Variants in ESRRG observed in about 807,000 individuals in gnomAD.
ESRRG encodes the protein estrogen-related receptor gamma.
In ESRRG, 13 loss-of-function variants were observed where a neutral mutation model predicts 44.0. The observed-to-expected ratio is 0.30, with a 90% CI of 0.19 to 0.47. ESRRG has a LOEUF of 0.47. Among genes scored for constraint, ESRRG ranks in the 20% least tolerant of loss-of-function variants. ESRRG has a pLI of 1.00. For missense variants in ESRRG, 395 were observed against 580.6 expected (o/e 0.68, Z 3.29); for synonymous variants, 215 against 214.6 (o/e 1.00, Z -0.02).
chr1:216,788,665 C>T (rs923712600), intron 2 of ESRRG, among the ~76,000 whole-genome samples: 2 of 152,070 alleles, frequency 1.3e-5, no homozygotes, highest in Admixed American at 1.3e-4. Context: ...TTAAGAAATA[C>T]ATTTTGTAGG....
chr1:216,797,081 G>A (rs1212402651), intron 2 of ESRRG, among the ~76,000 whole-genome samples: 2 of 151,774 alleles, frequency 1.3e-5, no homozygotes, highest in Non-Finnish European at 2.9e-5. Context: ...TAGTAGAGAC[G>A]GGGTTTCACC....
intron 1 of ESRRG, among the ~76,000 whole-genome samples, chr1:216,966,484 A>G (rs2070405870): frequency 6.6e-6 from 1 of 152,176 alleles, no homozygotes; most frequent in African/African-American, 2.4e-5. Context: ...AGAAACCAGA[A>G]GAACAAGACC....
intron 1 of ESRRG, among the ~76,000 whole-genome samples, chr1:217,007,682 T>C (rs1475601938): frequency 2.6e-5 from 4 of 152,170 alleles, no homozygotes; most frequent in African/African-American, 9.6e-5. Context: ...TCTAAACCTA[T>C]CAAAGAAGAT....
intron 1 of ESRRG, among the ~76,000 whole-genome samples, chr1:217,065,522 G>A (rs1558170694): frequency 1.3e-5 from 2 of 152,194 alleles, no homozygotes; most frequent in Admixed American, 1.3e-4. Context: ...TCTAAAAGGA[G>A]AGCCTCATCT....
intron 1 of ESRRG, among the ~76,000 whole-genome samples, chr1:216,954,874 C>T (rs868848991): frequency 1.3e-5 from 2 of 152,062 alleles, no homozygotes; most frequent in East Asian, 3.9e-4. Context: ...TTTGCATTGG[C>T]AACAGCATAT....
chr1:216,739,955 A>G (rs1295279780), intron 2 of ESRRG, among the ~76,000 whole-genome samples: 1 of 152,128 alleles, frequency 6.6e-6, no homozygotes. Flanking sequence ...TTCCCTGCAG[A>G]TTGTCTTGTA....
intron 3 of ESRRG, among the ~76,000 whole-genome samples, chr1:216,638,118 C>G (rs1452641006): frequency 6.6e-6 from 1 of 152,130 alleles, no homozygotes; most frequent in Non-Finnish European, 1.5e-5. Context: ...GTTGTTTATG[C>G]TTTGCTCCAT....
chr1:216,587,069 T>A (rs899068856), intron 3 of ESRRG, among the ~76,000 whole-genome samples: 1 of 152,166 alleles, frequency 6.6e-6, no homozygotes, highest in African/African-American at 2.4e-5. Context: ...ATATCTGTGA[T>A]AAAATGACAA....
chr1:216,870,156 C>A, intron 2 of ESRRG, among the ~76,000 whole-genome samples: 1 of 151,696 alleles, frequency 6.6e-6, no homozygotes, highest in East Asian at 1.9e-4. Flanking sequence ...GAAGAAGTTT[C>A]ATTCTATGCC....
At chr1:216,843,984 A>T (rs7516551) in intron 2 of ESRRG, among the ~76,000 whole-genome samples, 1 of 151,588 alleles carries the variant, frequency 6.6e-6, no homozygotes, top group African/African-American at 2.4e-5. Context: ...ATTTTACCTC[A>T]TGCACTGTTT....
At chr1:216,527,850 G>T (rs2149062529) in intron 5 of ESRRG, among the ~76,000 whole-genome samples, 1 of 152,276 alleles carries the variant, frequency 6.6e-6, no homozygotes, top group East Asian at 1.9e-4. Flanking sequence ...CTGAGTGTAA[G>T]TGACCCCTGA....
In ESRRG at chr1:216,931,934, G is replaced by A. The variant is rs112171132; in HGVS notation, c.-14+7648C>T. On this transcript the variant is annotated intron_variant, in intron 2 of 7. Transcript: ENST00000359162. ...AAAAGGTGAAAATAAGGCCAGGTGC[G>A]GTGGCTCACGCCTGTAATCCCAGCA... is the stretch of plus-strand genomic sequence containing the variant. 4.3e-3 allele frequency among the ~76,000 whole-genome samples: 648 copies of A among 152,144 alleles called. 3 individuals are homozygous for A. The highest frequency in any genetic ancestry group is 0.015 in the African/African-American group (627 of 41,518).
At chr1:216,891,672 T>G (rs898971035) in intron 2 of ESRRG, among the ~76,000 whole-genome samples, 1 of 152,184 alleles carries the variant, frequency 6.6e-6, no homozygotes, top group Non-Finnish European at 1.5e-5. Context: ...CAATAAAGTT[T>G]CCATCTTAGT....
chr1:216,966,335 T>TTCAGGCTGTCTATACGTATGAATTC (rs2070373083), intron 1 of ESRRG, among the ~76,000 whole-genome samples: 1 of 151,992 alleles, frequency 6.6e-6, no homozygotes, highest in Non-Finnish European at 1.5e-5. Flanking sequence ...CAGATGGTTG[T>TTCAGGCTGTCTATACGTATGAATTC]TCAGGCTGTC....
chr1:216,600,344 T>C (rs1461339466), intron 3 of ESRRG, among the ~76,000 whole-genome samples: 1 of 152,130 alleles, frequency 6.6e-6, no homozygotes, highest in Admixed American at 6.5e-5. Context: ...TGGACTTCTT[T>C]GGGTAATAAT....
chr1:216,715,245 C>G, intron 1 of ESRRG: 1 of 985,280 alleles, frequency 1.0e-6, no homozygotes, highest in African/African-American at 1.7e-5. Flanking sequence ...AGGTCTCATT[C>G]AAGTCTATGG....
At chr1:216,622,073 C>T (rs2062339099) in intron 3 of ESRRG, among the ~76,000 whole-genome samples, 1 of 152,206 alleles carries the variant, frequency 6.6e-6, no homozygotes, top group Admixed American at 6.5e-5. Flanking sequence ...TCAAGCAACA[C>T]CTTCCATCAG....
intron 3 of ESRRG, among the ~76,000 whole-genome samples, chr1:216,648,953 T>A (rs1376906293): frequency 6.6e-6 from 1 of 152,138 alleles, no homozygotes; most frequent in African/African-American, 2.4e-5. Context: ...AGAAATTGAC[T>A]GTCAATCACT....
At chr1:216,599,141 TA>T (rs554690530) in intron 3 of ESRRG, among the ~76,000 whole-genome samples, 150 of 152,060 alleles carry the variant, frequency 9.9e-4, no homozygotes, top group African/African-American at 3.4e-3. Flanking sequence ...TAGATATTCA[TA>T]GGGGGTTCCA....
Sources: allele counts gnomAD v4.1 joint callset (sites outside exome capture counted in the v4.1 genomes callset), GRCh38; gene constraint gnomAD v4.1.1; transcripts MANE v1.5; gene names NCBI Gene and HGNC (gene_info 2026-07-23, HGNC 2026-07-21).